OTOGL: variants seen among roughly 807,000 people sequenced by gnomAD.
OTOGL encodes the protein otogelin-like protein.
In OTOGL, 285 loss-of-function variants were observed where a neutral mutation model predicts 318.5. That is an observed-to-expected ratio of 0.89 (90% confidence interval 0.81 to 0.99). OTOGL has a LOEUF of 0.99. OTOGL is among the 50% of genes least tolerant of loss of function. The probability of loss-of-function intolerance (pLI) is 0.00; values close to 1 mark genes in which losing one functional copy is unlikely to be tolerated. For synonymous variants in OTOGL, 987 were observed against 936.5 expected (o/e 1.05, Z -0.99); for missense variants, 2,899 against 2,845.6 (o/e 1.02, Z -0.43).
intron 4 of OTOGL, among the ~76,000 whole-genome samples, chr12:80,216,374 G>A (rs1226059522): frequency 2.0e-5 from 3 of 151,914 alleles, no homozygotes; most frequent in Admixed American, 6.6e-5. Flanking sequence ...GGCAAGTTTG[G>A]GTGTGTTTAT....
chr12:80,165,479 C>A (rs964752637), intron 1 of OTOGL, among the ~76,000 whole-genome samples: 1 of 152,162 alleles, frequency 6.6e-6, no homozygotes, highest in Non-Finnish European at 1.5e-5. Context: ...TCAAGTTGTT[C>A]CTTCCACCCA....
At position 80,328,985 on chromosome 12, in the gene OTOGL, A is replaced by G. The variant is rs1009492865; in HGVS notation, c.4280-66A>G. The G allele has an allele frequency of 5.0e-6, 7 of 1,405,448 alleles. No homozygotes were observed. The Admixed American group carries it at 6.8e-5, about 14-fold the overall frequency. 87.1% of individuals were successfully genotyped at this position (1,405,448 alleles called of 1,614,324 possible). On this transcript the variant is annotated intron_variant, in intron 36 of 58. Transcript: ENST00000547103. ...TTTCCTTGAAGCTAAAGAGTCCTCTATGAAATATGTGGGTCTAATTTTATG... is the reference window on the plus strand; with the variant it reads ...TTTCCTTGAAGCTAAAGAGTCCTCTGTGAAATATGTGGGTCTAATTTTATG...
intron 1 of OTOGL, among the ~76,000 whole-genome samples, chr12:80,169,888 C>A (rs2137213506): frequency 6.6e-6 from 1 of 152,240 alleles, no homozygotes. Context: ...GTATGGATCA[C>A]CAAAATTTTC....
intron 26 of OTOGL, among the ~76,000 whole-genome samples, chr12:80,284,304 G>C (rs1445448360): frequency 6.6e-6 from 1 of 152,140 alleles, no homozygotes; most frequent in Non-Finnish European, 1.5e-5. Flanking sequence ...TTGGCTCCAA[G>C]TCTTTTCTAT....
chr12:80,227,918 C>T (rs929416703), intron 7 of OTOGL, among the ~76,000 whole-genome samples: 1 of 152,098 alleles, frequency 6.6e-6, no homozygotes, highest in Non-Finnish European at 1.5e-5. Flanking sequence ...TAATATTTCT[C>T]CTTAATATCA....
chr12:80,124,391 G>A (rs954361323), intron 1 of OTOGL, among the ~76,000 whole-genome samples: 6 of 152,048 alleles, frequency 3.9e-5, no homozygotes, highest in East Asian at 3.9e-4. Flanking sequence ...TGTTCCATTG[G>A]TCTATATCTC....
At chr12:80,352,734 A>G (rs942774633) in intron 45 of OTOGL, among the ~76,000 whole-genome samples, 1 of 152,150 alleles carries the variant, frequency 6.6e-6, no homozygotes, top group South Asian at 2.1e-4. Flanking sequence ...TTCACTAGAC[A>G]CTGTCAAATT....
At chr12:80,340,212 T>C (rs908754051) in intron 43 of OTOGL, among the ~76,000 whole-genome samples, 4 of 152,152 alleles carry the variant, frequency 2.6e-5, no homozygotes, top group African/African-American at 9.6e-5. Flanking sequence ...AACTCAAAAA[T>C]GAGTGGCTAA....
intron 46 of OTOGL, among the ~76,000 whole-genome samples, chr12:80,354,054 A>T (rs990099995): frequency 1.3e-5 from 2 of 152,184 alleles, no homozygotes; most frequent in Non-Finnish European, 2.9e-5. Context: ...TCCGTGTGGC[A>T]GTGCTGGGAG....
chr12:80,264,520 G>A (rs183945456), intron 19 of OTOGL, among the ~76,000 whole-genome samples: 1 of 152,304 alleles, frequency 6.6e-6, no homozygotes, highest in Non-Finnish European at 1.5e-5. Flanking sequence ...CAACAACTAT[G>A]TGGCATCTGA....
In OTOGL at chr12:80,278,417, T is replaced by C. The variant is rs899239649; in HGVS notation, c.2789+142T>C. 20 of 649,472 alleles carry C rather than the reference T, an allele frequency of 3.1e-5. No homozygotes were observed. The African/African-American group carries it at 3.7e-4, about 12-fold the overall frequency. 40.2% of individuals were successfully genotyped at this position (649,472 alleles called of 1,614,324 possible). A position where few individuals can be genotyped will look rare whatever the true frequency, so the allele number is the denominator to read the frequency against. On this transcript the variant is annotated intron_variant, in intron 25 of 58. Coordinates refer to ENST00000547103, the MANE Select transcript of OTOGL (RefSeq NM_001378609.3). The stretch of plus-strand genomic sequence containing the variant: ...TAATTTAAAGGCCTGCAGGAGTTGG[T>C]GGACAGTTACTATCTGCAGGGGACT...
chr12:80,307,536 C>A (rs1174672429), intron 29 of OTOGL, among the ~76,000 whole-genome samples: 2 of 148,036 alleles, frequency 1.4e-5, no homozygotes, highest in Non-Finnish European at 3.0e-5. Context: ...CCCTCACCTC[C>A]GGGACGGGGC....
Position 80,254,521 on chromosome 12 carries a change from T to C in OTOGL, c.1395-3T>C, listed in dbSNP as rs374833540. On this transcript the variant is annotated splice_polypyrimidine_tract_variant and splice_region_variant and intron_variant, in intron 14 of 58. Coordinates refer to ENST00000547103, the MANE Select transcript of OTOGL (RefSeq NM_001378609.3). ...AGATTAATATTTTTATAATTTCTTTTAGTGTGTGTGTTGGTGGAGTTTGGA... is the reference window on the plus strand; with the variant it reads ...AGATTAATATTTTTATAATTTCTTTCAGTGTGTGTGTTGGTGGAGTTTGGA... 5.7e-5 allele frequency: 92 copies of C among 1,602,922 alleles called. No individual in the cohort carries two copies. In the African/African-American group the frequency reaches 1.0e-3, roughly 17 times the overall value.
At chr12:80,310,786 C>G in intron 30 of OTOGL, 59 bp downstream of exon 30, 2 of 1,339,356 alleles carry the variant, frequency 1.5e-6, no homozygotes, top group Non-Finnish European at 1.0e-6. Flanking sequence ...GTCTATAATA[C>G]TGAGGTGAAC....
intron 1 of OTOGL, among the ~76,000 whole-genome samples, chr12:80,204,375 C>T (rs1428090181): frequency 6.6e-6 from 1 of 152,102 alleles, no homozygotes; most frequent in Non-Finnish European, 1.5e-5. Context: ...TGATTTGGAA[C>T]CTTGGTGTTG....
chr12:80,151,115 A>G (rs1374906465), intron 1 of OTOGL, among the ~76,000 whole-genome samples: 1 of 152,134 alleles, frequency 6.6e-6, no homozygotes, highest in Non-Finnish European at 1.5e-5. Context: ...TTTTCCTAGG[A>G]GGAAATTTGG....
intron 1 of OTOGL, among the ~76,000 whole-genome samples, chr12:80,115,233 A>G (rs1188818655): frequency 1.3e-5 from 2 of 151,850 alleles, no homozygotes; most frequent in Admixed American, 6.6e-5. Flanking sequence ...TCGTGGTTTT[A>G]TCTACCTTTG....
At chr12:80,266,696 T>A in intron 21 of OTOGL, 80 bp downstream of exon 21, 1 of 1,357,496 alleles carries the variant, frequency 7.4e-7, no homozygotes, top group Non-Finnish European at 9.9e-7. Flanking sequence ...TTCATGGAAG[T>A]TTTTGAAAAA....
intron 11 of OTOGL, among the ~76,000 whole-genome samples, chr12:80,243,479 A>G (rs569710238): frequency 6.6e-6 from 1 of 152,060 alleles, no homozygotes; most frequent in Non-Finnish European, 1.5e-5. Context: ...AATATAAAGG[A>G]TATGATAAAA....
Sources: gnomAD v4.1 joint callset for allele counts (sites outside exome capture counted in the v4.1 genomes callset) on GRCh38, gnomAD v4.1.1 for gene constraint, MANE v1.5 for transcripts, NCBI Gene and HGNC (gene_info 2026-07-23, HGNC 2026-07-21) for gene names.